Variants in MARCHF6 observed in about 807,000 individuals in gnomAD.
The protein encoded by MARCHF6 is membrane associated ring-CH-type finger 6, also known as E3 ubiquitin-protein ligase MARCHF6.
MARCHF6 carries 31 observed loss-of-function variants against 133.7 expected under a neutral mutation model. That is an observed-to-expected ratio of 0.23 (90% CI 0.17 to 0.31). The LOEUF (loss-of-function observed/expected upper bound fraction) is 0.31, where lower values mean the gene tolerates loss of function less well. MARCHF6 is among the 10% of genes least tolerant of loss of function. The pLI is 1.00. For synonymous variants in MARCHF6, 395 were observed against 402.5 expected (o/e 0.98, Z 0.22); for missense variants, 723 against 1,121.6 (o/e 0.64, Z 5.08).
intron 1 of MARCHF6, among the ~76,000 whole-genome samples, chr5:10,363,779 G>A (rs1248419864): frequency 1.3e-5 from 2 of 152,144 alleles, no homozygotes; most frequent in African/African-American, 4.8e-5. Context: ...GCAGTTCAAA[G>A]GAATTAAGTA....
At chr5:10,383,570 T>A (rs1415961788) in intron 4 of MARCHF6, among the ~76,000 whole-genome samples, 2 of 152,208 alleles carry the variant, frequency 1.3e-5, no homozygotes, top group Non-Finnish European at 2.9e-5. Flanking sequence ...CAAAATTTGA[T>A]GTTTTTGAAC....
Position 10,434,890 on chromosome 5 carries a change from C to T in MARCHF6, c.*1206C>T, listed in dbSNP as rs542034579. The T allele has an allele frequency of 2.6e-5, 4 of 152,722 alleles. No individual in the cohort carries two copies. Among genetic ancestry groups the T allele is most frequent in the South Asian group, 2.1e-4 (1 of 4,828 alleles). The allele number at this position is 152,722 out of a possible 1,614,324, so 9.5% of individuals were successfully genotyped here. On this transcript the variant is annotated 3_prime_UTR_variant, in exon 26 of 26. Transcript: ENST00000274140. ...GGCCTTTTAACATAGGAATGTATTT[C>T]GTTGGAAACATTCTGAAAAATCTCA...
At chr5:10,380,155 TTGTG>T (rs200405883) in intron 3 of MARCHF6, among the ~76,000 whole-genome samples, 24,083 of 145,734 alleles carry the variant, frequency 0.17, 2,503 homozygotes, top group East Asian at 0.56. Flanking sequence ...TGTGTTTTAG[TTGTG>T]TGTGTGTGTG....
At chr5:10,415,712 AGT>A (rs769227736) in intron 21 of MARCHF6, 43 bp downstream of exon 21, 9 of 1,468,974 alleles carry the variant, frequency 6.1e-6, no homozygotes, top group Non-Finnish European at 8.2e-6. Context: ...TGTTAGGAAT[AGT>A]GAATATTTTT....
At chr5:10,369,612 C>G (rs890436706) in intron 1 of MARCHF6, among the ~76,000 whole-genome samples, 1 of 29,046 alleles carries the variant, frequency 3.4e-5, no homozygotes, top group Non-Finnish European at 1.5e-4. Flanking sequence ...TACCCCCCCC[C>G]CCCCTTGCAA....
intron 4 of MARCHF6, among the ~76,000 whole-genome samples, chr5:10,382,644 A>G (rs1435129313): frequency 6.6e-6 from 1 of 152,078 alleles, no homozygotes; most frequent in Non-Finnish European, 1.5e-5. Context: ...CTGACCAACA[A>G]GGTGAAACCC....
At chr5:10,360,683 A>G (rs911363053) in intron 1 of MARCHF6, among the ~76,000 whole-genome samples, 1 of 152,190 alleles carries the variant, frequency 6.6e-6, no homozygotes, top group African/African-American at 2.4e-5. Flanking sequence ...TCTGGAAGCT[A>G]CAATCTCACT....
chr5:10,399,246 TCCTTA>T (rs1022838133), intron 10 of MARCHF6, among the ~76,000 whole-genome samples: 1 of 152,142 alleles, frequency 6.6e-6, no homozygotes, highest in African/African-American at 2.4e-5. Context: ...ACAGTTTTTT[TCCTTA>T]CCTTATTAAA....
chr5:10,370,336 C>G (rs769205359), intron 1 of MARCHF6, among the ~76,000 whole-genome samples: 16 of 151,972 alleles, frequency 1.1e-4, no homozygotes, highest in Non-Finnish European at 2.4e-4. Flanking sequence ...CTCCTGGGCT[C>G]ATGTGATCCT....
intron 17 of MARCHF6, 25 bp downstream of exon 17, chr5:10,407,227 C>G (rs758758522): frequency 1.6e-6 from 2 of 1,285,108 alleles, no homozygotes; most frequent in South Asian, 2.5e-5. Context: ...TTTAGAATAG[C>G]TTTACTAATT....
Position 10,423,654 on chromosome 5 carries a change from G to A in MARCHF6, c.2284-81G>A, listed in dbSNP as rs1739938965. 3 of 880,778 alleles carry A rather than the reference G, an allele frequency of 3.4e-6. No homozygotes were observed. The East Asian group carries it at 8.3e-5, about 24-fold the overall frequency. 54.6% of individuals were successfully genotyped at this position (880,778 alleles called of 1,614,324 possible). Reference sequence around the variant, plus strand: ...AACTTCTATTTTGATGTGAAATAATGTAAGAAAATTATACAGCCTCTCTGC... The same window carrying A: ...AACTTCTATTTTGATGTGAAATAATATAAGAAAATTATACAGCCTCTCTGC... On this transcript the variant is annotated intron_variant, in intron 22 of 25. Coordinates refer to ENST00000274140, the MANE Select transcript of MARCHF6 (RefSeq NM_005885.4).
chr5:10,403,288 G>C, intron 14 of MARCHF6, 119 bp from the exon 15 acceptor site: 1 of 889,170 alleles, frequency 1.1e-6, no homozygotes, highest in Non-Finnish European at 1.7e-6. Flanking sequence ...TAAGTGAACT[G>C]CAGTTCTAGG....
chr5:10,392,613 G>A (rs533937697), intron 7 of MARCHF6, among the ~76,000 whole-genome samples: 3 of 152,246 alleles, frequency 2.0e-5, no homozygotes, highest in South Asian at 4.1e-4. Context: ...AATTAGCTGG[G>A]TGTGGTGGCG....
intron 1 of MARCHF6, among the ~76,000 whole-genome samples, chr5:10,360,649 TTTTG>T (rs1235323381): frequency 2.6e-5 from 4 of 152,144 alleles, no homozygotes; most frequent in Non-Finnish European, 5.9e-5. Flanking sequence ...TAAGACAAGT[TTTTG>T]TTTGTCTTAA....
intron 4 of MARCHF6, among the ~76,000 whole-genome samples, chr5:10,382,760 G>A (rs780689226): frequency 6.6e-6 from 1 of 152,220 alleles, no homozygotes; most frequent in East Asian, 1.9e-4. Flanking sequence ...CTGGGAGGCA[G>A]AGGTTTCAGT....
chr5:10,374,095 G>C (rs1276516055), intron 1 of MARCHF6, among the ~76,000 whole-genome samples: 1 of 151,744 alleles, frequency 6.6e-6, no homozygotes, highest in African/African-American at 2.4e-5. Context: ...TCTGCAGAGA[G>C]AGAGCCTGAT....
chr5:10,354,235 G>T (rs1464385390), intron 1 of MARCHF6, among the ~76,000 whole-genome samples: 1 of 152,182 alleles, frequency 6.6e-6, no homozygotes, highest in Non-Finnish European at 1.5e-5. Context: ...AGAAAAGGGG[G>T]CCTCTGTCGC....
Position 10,353,980 on chromosome 5 carries a change from G to C in MARCHF6, c.19+63G>C. ...GGCGCCCGGGTTCGTACCCCGGCCAGGTCCGCGGCGCTCGAGGTGGGCTGC... is the reference window on the plus strand; with the variant it reads ...GGCGCCCGGGTTCGTACCCCGGCCACGTCCGCGGCGCTCGAGGTGGGCTGC... On this transcript the variant is annotated intron_variant, in intron 1 of 25. Transcript: ENST00000274140. The C allele has an allele frequency of 2.0e-6, 3 of 1,487,280 alleles. No homozygotes were observed. In the South Asian group the frequency reaches 3.8e-5, roughly 19 times the overall value. The allele number at this position is 1,487,280 out of a possible 1,614,324, so 92.1% of individuals were successfully genotyped here.
chr5:10,410,113 C>G, intron 17 of MARCHF6, 26 bp from the exon 18 acceptor site: 5 of 1,610,736 alleles, frequency 3.1e-6, no homozygotes, highest in Non-Finnish European at 4.2e-6. Flanking sequence ...AAATACAATT[C>G]ACATTATAAA....
Sources: gnomAD v4.1 joint callset for allele counts (sites outside exome capture counted in the v4.1 genomes callset) on GRCh38, gnomAD v4.1.1 for gene constraint, MANE v1.5 for transcripts, NCBI Gene and HGNC (gene_info 2026-07-23, HGNC 2026-07-21) for gene names.